The following CTNNA3 variants were observed in gnomAD, a reference collection of about 807,000 sequenced individuals.
CTNNA3 encodes the protein catenin alpha 3, also known as catenin alpha-3.
In CTNNA3, 76 loss-of-function variants were observed where a neutral mutation model predicts 95.7. The ratio of observed to expected loss-of-function variants is 0.79; its 90% CI spans 0.66 to 0.96. CTNNA3 has a LOEUF of 0.96. CTNNA3 is among the 40% of genes least tolerant of loss of function. CTNNA3 has a pLI of 0.00. For synonymous variants in CTNNA3, 431 were observed against 374.4 expected (o/e 1.15, Z -1.74); for missense variants, 1,191 against 1,089.8 (o/e 1.09, Z -1.31).
chr10:66,411,330 T>C lies in CTNNA3; in HGVS notation c.1532-31978A>G, dbSNP rs755217849. On this transcript the variant is annotated intron_variant, in intron 11 of 17. Transcript: ENST00000433211. ...TAAATGCTTACTGTAATGGAGCTAT[T>C]CAGTATACTCCTTTAATTTATTTTG... Among the ~76,000 whole-genome samples the C allele has an allele frequency of 2.7e-4, 41 of 152,278 alleles. No individual in the cohort carries two copies. The South Asian group carries it at 2.9e-3, about 11-fold the overall frequency.
chr10:67,737,368 A>G (rs1841308434), intron 1 of CTNNA3, among the ~76,000 whole-genome samples: 1 of 152,184 alleles, frequency 6.6e-6, no homozygotes, highest in Non-Finnish European at 1.5e-5. Flanking sequence ...GGAGAAGTTT[A>G]TAGCCATAAA....
chr10:67,652,485 A>G (rs1283289604), intron 1 of CTNNA3, among the ~76,000 whole-genome samples: 1 of 152,206 alleles, frequency 6.6e-6, no homozygotes, highest in East Asian at 1.9e-4. Flanking sequence ...CATCATCTAG[A>G]GTTTCAATTA....
intron 5 of CTNNA3, among the ~76,000 whole-genome samples, chr10:67,382,701 G>T (rs1423448315): frequency 6.6e-6 from 1 of 152,106 alleles, no homozygotes; most frequent in African/African-American, 2.4e-5. Context: ...GATTTATAAA[G>T]AAAAGAGGTT....
intron 9 of CTNNA3, among the ~76,000 whole-genome samples, chr10:66,763,045 A>G: frequency 6.6e-6 from 1 of 152,010 alleles, no homozygotes; most frequent in East Asian, 1.9e-4. Flanking sequence ...AGATGAGTGT[A>G]TGTGCATGTC....
rs1455526038 is a variant in CTNNA3, at chr10:66,481,534, C to G, written c.1531+39083G>C. 3.5e-5 allele frequency among the ~76,000 whole-genome samples: 4 copies of G among 114,924 alleles called. No individual in the cohort carries two copies. The East Asian group carries it at 8.7e-4, about 25-fold the overall frequency. 75.4% of individuals were successfully genotyped at this position (114,924 alleles called of 152,430 possible). A position where few individuals can be genotyped will look rare whatever the true frequency, so the allele number is the denominator to read the frequency against. On this transcript the variant is annotated intron_variant, in intron 11 of 17. Transcript: ENST00000433211. The stretch of plus-strand genomic sequence containing the variant: ...TCGCCCAGGCTGGACTGCAGTGGCA[C>G]GATCTCGGCTCACTGCAAGCTCCGC...
chr10:67,660,728 G>A (rs1047362813), intron 1 of CTNNA3, among the ~76,000 whole-genome samples: 5 of 151,950 alleles, frequency 3.3e-5, no homozygotes, highest in African/African-American at 9.7e-5. Context: ...TCAGGAGATC[G>A]AGACCATCCT....
chr10:65,979,704 C>T (rs572389310), intron 16 of CTNNA3, among the ~76,000 whole-genome samples: 5 of 151,800 alleles, frequency 3.3e-5, no homozygotes, highest in Non-Finnish European at 7.4e-5. Context: ...TAGATAATCA[C>T]CCTAGGAGCA....
At chr10:67,335,053 C>T (rs553067693) in intron 5 of CTNNA3, among the ~76,000 whole-genome samples, 2 of 152,172 alleles carry the variant, frequency 1.3e-5, no homozygotes, top group African/African-American at 4.8e-5. Flanking sequence ...TACACACACA[C>T]ATTGATGAGA....
intron 1 of CTNNA3, among the ~76,000 whole-genome samples, chr10:67,649,648 G>A (rs1027075831): frequency 6.6e-6 from 1 of 152,182 alleles, no homozygotes; most frequent in South Asian, 2.1e-4. Flanking sequence ...CTGCTCTTTT[G>A]TATGTCCTGG....
intron 7 of CTNNA3, among the ~76,000 whole-genome samples, chr10:67,023,565 A>G (rs754062531): frequency 1.2e-4 from 19 of 152,150 alleles, no homozygotes; most frequent in Non-Finnish European, 2.5e-4. Context: ...TACCCAAGCA[A>G]AGTCTAATGC....
At chr10:66,123,670 C>T (rs2082689580) in intron 13 of CTNNA3, among the ~76,000 whole-genome samples, 1 of 152,172 alleles carries the variant, frequency 6.6e-6, no homozygotes, top group Non-Finnish European at 1.5e-5. Flanking sequence ...GACAGCCAGG[C>T]ATTTCCATAT....
intron 11 of CTNNA3, among the ~76,000 whole-genome samples, chr10:66,443,165 G>A (rs933991157): frequency 2.6e-5 from 4 of 152,264 alleles, no homozygotes; most frequent in East Asian, 1.9e-4. Flanking sequence ...GGGGAAGCTC[G>A]AACTGGGTGG....
rs1176919938 is a variant in CTNNA3, at chr10:67,538,157, T to TAA, written c.459+1344_459+1345dup. ...CCCTTTCCTAAAAAGCTACTTAAACTAAAAAAAAAAAAAAAAAAAAAAAGG... is the reference window on the plus strand; with the variant it reads ...CCCTTTCCTAAAAAGCTACTTAAACTAAAAAAAAAAAAAAAAAAAAAAAAAGG... On this transcript the variant is annotated intron_variant, in intron 4 of 17. Coordinates refer to ENST00000433211, the MANE Select transcript of CTNNA3 (RefSeq NM_013266.4). Among the ~76,000 whole-genome samples the TAA allele has an allele frequency of 2.5e-3, 148 of 59,180 alleles. 1 individual carries two copies. The East Asian group carries it at 0.035, about 14-fold the overall frequency. 38.8% of individuals were successfully genotyped at this position (59,180 alleles called of 152,430 possible). A position where few individuals can be genotyped will look rare whatever the true frequency, so the allele number is the denominator to read the frequency against.
intron 5 of CTNNA3, among the ~76,000 whole-genome samples, chr10:67,317,184 T>C (rs1272724020): frequency 1.3e-5 from 2 of 151,990 alleles, no homozygotes; most frequent in African/African-American, 2.4e-5. Flanking sequence ...TTTTTCTTTT[T>C]GTTTTTTTCT....
chr10:66,784,207 T>C (rs1192129385), intron 7 of CTNNA3, among the ~76,000 whole-genome samples: 2 of 152,172 alleles, frequency 1.3e-5, no homozygotes, highest in African/African-American at 2.4e-5. Flanking sequence ...TCAAGGTTCA[T>C]AACGTGAAGA....
At position 66,927,006 on chromosome 10, in the gene CTNNA3, C is replaced by G. The variant is rs914562544; in HGVS notation, c.1048-151482G>C. 3 of 1,614,018 alleles carry G rather than the reference C, an allele frequency of 1.9e-6. No homozygotes were observed. The East Asian group carries it at 6.7e-5, about 36-fold the overall frequency. Reference sequence around the variant, plus strand: ...TCTTACTGACAATGCTTTCTTCTGCCGAACGAGGATGCCCTAAGGGCTGTA... The same window carrying G: ...TCTTACTGACAATGCTTTCTTCTGCGGAACGAGGATGCCCTAAGGGCTGTA... On this transcript the variant is annotated intron_variant, in intron 7 of 17. Transcript: ENST00000433211. The surrounding 1 kb of genome is among the most constrained non-coding windows in gnomAD (Gnocchi z 4.7).
intron 13 of CTNNA3, among the ~76,000 whole-genome samples, chr10:66,199,806 T>TATATATAA (rs1554887153): frequency 2.2e-4 from 2 of 9,036 alleles, no homozygotes; most frequent in African/African-American, 9.7e-4. Context: ...TATATATATA[T>TATATATAA]TTTTTTTTTT....
chr10:67,258,365 A>C (rs1438945510), intron 5 of CTNNA3, among the ~76,000 whole-genome samples: 1 of 152,104 alleles, frequency 6.6e-6, no homozygotes, highest in African/African-American at 2.4e-5. Flanking sequence ...GCTGGTCTTG[A>C]ATTCCTGACC....
chr10:67,109,219 T>A lies in CTNNA3; in HGVS notation c.1047+71098A>T, dbSNP rs74932608. On this transcript the variant is annotated intron_variant, in intron 7 of 17. Transcript: ENST00000433211. ...ATTAGGTTATATGTAGAGTCTTTTG[T>A]CTTTTGTTCTATTACTATAAAATAT... Among the ~76,000 whole-genome samples, 844 of 152,284 alleles carry A rather than the reference T, an allele frequency of 5.5e-3. 7 individuals carry two copies. The highest frequency in any genetic ancestry group is 0.019 in the African/African-American group (788 of 41,574).
Sources: allele counts gnomAD v4.1 joint callset (sites outside exome capture counted in the v4.1 genomes callset), GRCh38; gene constraint gnomAD v4.1.1; non-coding constraint Gnocchi (gnomAD v3.1); transcripts MANE v1.5; gene names NCBI Gene and HGNC (gene_info 2026-07-23, HGNC 2026-07-21).